The following OPHN1 variants were observed in gnomAD, a reference collection of about 807,000 sequenced individuals.
OPHN1 encodes the protein oligophrenin 1.
A neutral mutation model predicts 60.7 loss-of-function variants in OPHN1; 11 were observed. The ratio of observed to expected loss-of-function variants is 0.18; its 90% CI spans 0.11 to 0.30. OPHN1 has a LOEUF of 0.30. Among genes scored for constraint, OPHN1 ranks in the 10% least tolerant of loss-of-function variants. The pLI, the probability that OPHN1 is intolerant of heterozygous loss-of-function variation, is 1.00. For missense variants in OPHN1, 449 were observed against 611.0 expected, an observed-to-expected ratio of 0.73 and a Z score of 2.80; for synonymous variants, 226 against 222.6, an observed-to-expected ratio of 1.02 and a Z score of -0.14.
chrX:68,281,823 G>A (rs6525223), intron 4 of OPHN1, among the ~76,000 whole-genome samples: 34,737 of 111,456 alleles, frequency 0.31, 6,545 homozygotes, highest in African/African-American at 0.72. Flanking sequence ...TGCTCTGCAT[G>A]ATATGTGATT....
chrX:68,071,644 C>A (rs1328306710), intron 20 of OPHN1: 3 of 552,177 alleles, frequency 5.4e-6, no homozygotes, highest in Non-Finnish European at 1.0e-5. Flanking sequence ...AAGACAGTAG[C>A]CTTAATCCTC....
intron 15 of OPHN1, among the ~76,000 whole-genome samples, chrX:68,136,419 T>C (rs2077220399): frequency 9.6e-6 from 1 of 104,605 alleles, no homozygotes; most frequent in African/African-American, 3.6e-5. Context: ...TTCTCCTGCC[T>C]CAGCCTCCCG....
intron 3 of OPHN1, among the ~76,000 whole-genome samples, chrX:68,287,353 A>C (rs2078049037): frequency 9.5e-6 from 1 of 105,635 alleles, no homozygotes; most frequent in South Asian, 4.2e-4. Context: ...AAAAAAAAAA[A>C]CAATCACAAG....
chrX:68,130,999 GA>G (rs1336082151), intron 15 of OPHN1, among the ~76,000 whole-genome samples: 1 of 110,773 alleles, frequency 9.0e-6, no homozygotes, highest in Admixed American at 9.7e-5. Context: ...GGCAGACTTT[GA>G]AAGGTATCAT....
intron 2 of OPHN1, among the ~76,000 whole-genome samples, chrX:68,357,045 T>G (rs1391916795): frequency 9.0e-6 from 1 of 111,370 alleles, no homozygotes; most frequent in African/African-American, 3.3e-5. Context: ...GAAAATGCTC[T>G]AAAATTGATT....
intron 10 of OPHN1, among the ~76,000 whole-genome samples, chrX:68,206,265 G>C (rs374543611): frequency 1.8e-5 from 2 of 111,706 alleles, no homozygotes; most frequent in Admixed American, 9.5e-5. Context: ...GAATCCAAGA[G>C]TAGAGCATTC....
intron 15 of OPHN1, among the ~76,000 whole-genome samples, chrX:68,165,727 TATAA>T (rs1399823545): frequency 8.9e-6 from 1 of 112,270 alleles, no homozygotes; most frequent in Non-Finnish European, 1.9e-5. Flanking sequence ...CTTCAATTTA[TATAA>T]ATAATTGTTT....
At chrX:68,397,104 A>T (rs1202948245) in intron 2 of OPHN1, among the ~76,000 whole-genome samples, 1 of 111,838 alleles carries the variant, frequency 8.9e-6, no homozygotes, top group Non-Finnish European at 1.9e-5. Context: ...GTGCTGGAAC[A>T]CCCTCCACCC....
At chrX:68,143,506 G>C (rs926122179) in intron 15 of OPHN1, among the ~76,000 whole-genome samples, 3 of 111,080 alleles carry the variant, frequency 2.7e-5, no homozygotes, top group Non-Finnish European at 5.7e-5. Flanking sequence ...CTGTTAATGG[G>C]GCTAAGTGAG....
chrX:68,197,773 G>A (rs897603563), intron 11 of OPHN1, among the ~76,000 whole-genome samples: 2 of 111,700 alleles, frequency 1.8e-5, no homozygotes, highest in Admixed American at 1.9e-4. Flanking sequence ...GGGAGGAGGC[G>A]TTTTGGCTAA....
intron 2 of OPHN1, among the ~76,000 whole-genome samples, chrX:68,330,212 G>T (rs777047517): frequency 9.2e-6 from 1 of 108,973 alleles, no homozygotes; most frequent in African/African-American, 3.3e-5. Flanking sequence ...CGATTCTCCC[G>T]CCTCAGCCTC....
At chrX:68,404,844 C>T (rs1448835107) in intron 2 of OPHN1, among the ~76,000 whole-genome samples, 1 of 111,108 alleles carries the variant, frequency 9.0e-6, no homozygotes, top group African/African-American at 3.3e-5. Flanking sequence ...TGTATGATTC[C>T]ACCAATATGA....
chrX:68,201,435 C>G (rs1393166703), intron 11 of OPHN1, among the ~76,000 whole-genome samples, 184 bp downstream of exon 11: 2 of 111,656 alleles, frequency 1.8e-5, no homozygotes, highest in African/African-American at 6.5e-5. Flanking sequence ...CAGCACTGGG[C>G]CAGGTCTAGC....
At chrX:68,210,027 C>T (rs766532390) in intron 9 of OPHN1, 126 bp downstream of exon 9, 13 of 656,507 alleles carry the variant, frequency 2.0e-5, no homozygotes, top group African/African-American at 8.9e-5. Flanking sequence ...TCCCTGCCTG[C>T]GTTCCAAGGG....
chrX:68,226,862 T>G (rs867821905), intron 6 of OPHN1, among the ~76,000 whole-genome samples: 6 of 111,178 alleles, frequency 5.4e-5, no homozygotes, highest in Non-Finnish European at 9.4e-5. Flanking sequence ...AATCACAGGA[T>G]CAAATTCACA....
At chrX:68,109,411 A>T (rs1250856237) in intron 18 of OPHN1, among the ~76,000 whole-genome samples, 2 of 111,083 alleles carry the variant, frequency 1.8e-5, no homozygotes, top group Non-Finnish European at 3.8e-5. Flanking sequence ...TTGTTTACCT[A>T]TTCATTAGTT....
At chrX:68,408,544 CCAG>C (rs2078754804) in intron 2 of OPHN1, among the ~76,000 whole-genome samples, 2 of 112,448 alleles carry the variant, frequency 1.8e-5, no homozygotes, top group Non-Finnish European at 3.8e-5. Flanking sequence ...CTCTAGACTC[CCAG>C]CTTTATTCTG....
intron 2 of OPHN1, among the ~76,000 whole-genome samples, chrX:68,371,007 A>G (rs1206397115): frequency 9.0e-6 from 1 of 111,225 alleles, no homozygotes. Context: ...GTCGGAAGTA[A>G]GCCCTTCCTT....
At chrX:68,171,220 G>A (rs2077389374) in intron 15 of OPHN1, among the ~76,000 whole-genome samples, 1 of 110,213 alleles carries the variant, frequency 9.1e-6, no homozygotes, top group Non-Finnish European at 1.9e-5. Context: ...TGTATGAAAA[G>A]ATCTCATGTA....
Sources: gnomAD v4.1 joint callset for allele counts (sites outside exome capture counted in the v4.1 genomes callset) on GRCh38, gnomAD v4.1.1 for gene constraint, MANE v1.5 for transcripts, NCBI Gene and HGNC (gene_info 2026-07-23, HGNC 2026-07-21) for gene names.